Variants in LINGO1 observed in about 807,000 individuals in gnomAD.
The protein encoded by LINGO1 is leucine rich repeat and Ig domain containing 1.
A neutral mutation model predicts 37.3 loss-of-function variants in LINGO1; 11 were observed. The ratio of observed to expected loss-of-function variants is 0.29; its 90% CI spans 0.19 to 0.49. The LOEUF (loss-of-function observed/expected upper bound fraction) is 0.49, where lower values mean the gene tolerates loss of function less well. Among genes scored for constraint, LINGO1 ranks in the 20% least tolerant of loss-of-function variants. LINGO1 has a pLI of 0.99. For synonymous variants in LINGO1, 387 were observed against 403.0 expected (o/e 0.96, Z 0.48); for missense variants, 585 against 878.2 (o/e 0.67, Z 4.22).
At chr15:77,730,006 G>A (rs879893512) in intron 2 of LINGO1, among the ~76,000 whole-genome samples, 7 of 152,040 alleles carry the variant, frequency 4.6e-5, no homozygotes, top group Non-Finnish European at 8.8e-5. Context: ...AATCCCCTCC[G>A]TCCCCCACAT....
At chr15:77,800,687 A>T (rs955644343) in intron 1 of LINGO1, among the ~76,000 whole-genome samples, 1 of 152,236 alleles carries the variant, frequency 6.6e-6, no homozygotes, top group African/African-American at 2.4e-5. Flanking sequence ...CAGAAGCCAT[A>T]AAGTGAAAAT....
intron 1 of LINGO1, among the ~76,000 whole-genome samples, chr15:77,776,054 G>C (rs1338195762): frequency 1.3e-5 from 2 of 152,122 alleles, no homozygotes; most frequent in Non-Finnish European, 2.9e-5. Flanking sequence ...CTGTCAGCCT[G>C]TGGCCGCCAC....
intron 1 of LINGO1, among the ~76,000 whole-genome samples, chr15:77,776,461 GAA>G (rs1350803688): frequency 5.4e-4 from 67 of 125,162 alleles, no homozygotes; most frequent in African/African-American, 1.9e-3. Flanking sequence ...AGGAAGGCAG[GAA>G]GGCAGGAAGG....
At chr15:77,727,596 C>T (rs548039454) in intron 2 of LINGO1, among the ~76,000 whole-genome samples, 91 of 152,146 alleles carry the variant, frequency 6.0e-4, no homozygotes, top group Non-Finnish European at 3.2e-4. Context: ...GCCAAAGGAG[C>T]GGTTGTTGTC....
At chr15:77,797,603 C>T (rs931758966) in intron 1 of LINGO1, among the ~76,000 whole-genome samples, 1 of 152,230 alleles carries the variant, frequency 6.6e-6, no homozygotes, top group Non-Finnish European at 1.5e-5. Context: ...GGCATCGAAC[C>T]AGCACCTGGC....
At chr15:77,668,792 T>TACACACACACACACACACAC (rs34476518) in intron 3 of LINGO1, among the ~76,000 whole-genome samples, 1 of 134,818 alleles carries the variant, frequency 7.4e-6, no homozygotes, top group African/African-American at 2.8e-5. Context: ...CACAGGGGAA[T>TACACACACACACACACACAC]ACACACACAC....
intron 1 of LINGO1, among the ~76,000 whole-genome samples, chr15:77,773,445 G>T (rs766311955): frequency 6.6e-6 from 1 of 152,172 alleles, no homozygotes; most frequent in Non-Finnish European, 1.5e-5. Flanking sequence ...GAGGCTGGTC[G>T]CAGTGAAGTT....
upstream of LINGO1, among the ~76,000 whole-genome samples, chr15:77,636,586 C>A (rs1214558418): frequency 1.3e-5 from 2 of 152,100 alleles, no homozygotes; most frequent in Non-Finnish European, 2.9e-5. Flanking sequence ...CCGTGTTCTA[C>A]TTTATGCCAC....
intron 1 of LINGO1, among the ~76,000 whole-genome samples, chr15:77,748,106 C>T (rs73465863): frequency 6.6e-6 from 1 of 152,244 alleles, no homozygotes; most frequent in African/African-American, 2.4e-5. Flanking sequence ...TTGAGGCACC[C>T]TCTCCAGTGG....
chr15:77,776,504 G>GGCAGGAAAGCAGGAAA (rs1325024579), intron 1 of LINGO1, among the ~76,000 whole-genome samples: 3 of 73,456 alleles, frequency 4.1e-5, no homozygotes, highest in African/African-American at 1.6e-4. Flanking sequence ...AAGGCAGGAA[G>GGCAGGAAAGCAGGAAA]GCAGGAAGGC....
intron 2 of LINGO1, among the ~76,000 whole-genome samples, chr15:77,688,466 G>A (rs554796894): frequency 2.6e-5 from 4 of 152,204 alleles, no homozygotes; most frequent in African/African-American, 7.2e-5. Context: ...GAGGGAAGAG[G>A]GCGGGCAGCA....
intron 1 of LINGO1, among the ~76,000 whole-genome samples, chr15:77,739,641 G>A (rs8028003): frequency 5.3e-5 from 8 of 152,082 alleles, no homozygotes; most frequent in African/African-American, 1.2e-4. Flanking sequence ...CCACTGTGAC[G>A]GCTCCCTCTC....
intron 1 of LINGO1, among the ~76,000 whole-genome samples, chr15:77,780,883 A>G (rs1040662305): frequency 6.6e-6 from 1 of 151,096 alleles, no homozygotes; most frequent in Admixed American, 6.6e-5. Context: ...TCAGACTTCC[A>G]GCCTCCAGAA....
chr15:77,648,285 A>G (rs1214733488), intron 3 of LINGO1: 1 of 196,108 alleles, frequency 5.1e-6, no homozygotes, highest in East Asian at 1.6e-4. Flanking sequence ...AGGCAGATCC[A>G]TGACTGGCAA....
At chr15:77,737,168 C>T (rs919807529) in intron 1 of LINGO1, among the ~76,000 whole-genome samples, 1 of 152,196 alleles carries the variant, frequency 6.6e-6, no homozygotes, top group Admixed American at 6.5e-5. Flanking sequence ...TAGATACTTG[C>T]TGCCAAGTTG....
chr15:77,680,545 G>A (rs1477830779), intron 2 of LINGO1, among the ~76,000 whole-genome samples: 4 of 152,136 alleles, frequency 2.6e-5, no homozygotes, highest in East Asian at 1.9e-4. Flanking sequence ...CCCTATCCAC[G>A]AGGAAAAGGG....
intron 1 of LINGO1, among the ~76,000 whole-genome samples, chr15:77,753,986 C>T (rs2076395600): frequency 1.3e-5 from 2 of 152,184 alleles, no homozygotes; most frequent in African/African-American, 4.8e-5. Context: ...TTCTCCAAAC[C>T]TTGCCAGGTG....
chr15:77,753,974 C>G (rs1293757757), intron 1 of LINGO1, among the ~76,000 whole-genome samples: 1 of 152,224 alleles, frequency 6.6e-6, no homozygotes, highest in African/African-American at 2.4e-5. Flanking sequence ...CCAGTCTCTT[C>G]CTTCTCCAAA....
In LINGO1 at chr15:77,614,926, C is replaced by T. The variant is rs745975783; in HGVS notation, c.981G>A (p.Glu327=). ...AGTTGAGGCCGCGGAAGGCATAGGG[C>T]TCCACCACGGCCAGCTGCCCGCCCA... ...QLVGGQLAVV[E]PYAFRGLNYL... is the part of the protein sequence containing the mutation. The change falls in exon 2 of 2, where the codon GAG becomes GAA. Residue 327 remains glutamate (E), a synonymous_variant. Transcript: ENST00000355300. 23 of 1,613,672 alleles carry T rather than the reference C, an allele frequency of 1.4e-5. No homozygotes were observed. The South Asian group carries it at 2.4e-4, about 17-fold the overall frequency.
Sources: allele counts gnomAD v4.1 joint callset (sites outside exome capture counted in the v4.1 genomes callset), GRCh38; gene constraint gnomAD v4.1.1; transcripts MANE v1.5; gene names NCBI Gene and HGNC (gene_info 2026-07-23, HGNC 2026-07-21).